The following LIX1L variants were observed in gnomAD, a reference collection of about 807,000 sequenced individuals.
LIX1L encodes the protein LIX1-like protein.
A neutral mutation model predicts 34.0 loss-of-function variants in LIX1L; 20 were observed. The observed-to-expected ratio is 0.59, with a 90% confidence interval of 0.41 to 0.85. The LOEUF (loss-of-function observed/expected upper bound fraction) is 0.85, where lower values mean the gene tolerates loss of function less well. Among genes scored for constraint, LIX1L ranks in the 40% least tolerant of loss-of-function variants. The probability of loss-of-function intolerance (pLI) is 0.00; values close to 1 mark genes in which losing one functional copy is unlikely to be tolerated. For synonymous variants in LIX1L, 170 were observed against 187.4 expected, an observed-to-expected ratio of 0.91 and a Z score of 0.76; for missense variants, 397 against 447.0, an observed-to-expected ratio of 0.89 and a Z score of 1.01.
In LIX1L at chr1:145,936,387, G is replaced by A. The variant is rs377468487; in HGVS notation, c.937C>T (p.Arg313Cys). Reference sequence around the variant, plus strand: ...ATATCTTTCTTCTCCTTGTGGAAGCGCAGCTCCTTGCCTGCCAGTCGGGCT... The same window carrying A: ...ATATCTTTCTTCTCCTTGTGGAAGCACAGCTCCTTGCCTGCCAGTCGGGCT... ...DEARLAGKEL[R>C]FHKEKKDILV... The change falls in exon 6 of 6, where the codon CGC (arginine) becomes TGC (cysteine). Residue 313 changes from arginine to cysteine, a missense_variant. Transcript: ENST00000604000. 1.9e-6 allele frequency: 3 copies of A among 1,614,024 alleles called. No homozygotes were observed. Among genetic ancestry groups the A allele is most frequent in the African/African-American group, 1.3e-5 (1 of 74,906 alleles).
intron 5 of LIX1L, 28 bp from the exon 6 acceptor site, chr1:145,936,580 A>G (rs1489111538): frequency 1.2e-6 from 2 of 1,613,214 alleles, no homozygotes; most frequent in African/African-American, 2.7e-5. Flanking sequence ...TGTGAACATC[A>G]TTGAGAAGGT....
chr1:145,946,246 T>A (rs1649103440), intron 2 of LIX1L, among the ~76,000 whole-genome samples: 1 of 150,228 alleles, frequency 6.7e-6, no homozygotes, highest in Non-Finnish European at 1.5e-5. Flanking sequence ...TTGCCCAGGC[T>A]AGAGTGCCGT....
chr1:145,954,738 C>G (rs1260988655), intron 1 of LIX1L, among the ~76,000 whole-genome samples: 2 of 152,174 alleles, frequency 1.3e-5, no homozygotes, highest in African/African-American at 4.8e-5. Context: ...AGAACAGTAC[C>G]TATCATTTGC....
At chr1:145,942,977 T>C in intron 2 of LIX1L, 124 bp from the exon 3 acceptor site, 1 of 918,576 alleles carries the variant, frequency 1.1e-6, no homozygotes, top group African/African-American at 1.7e-5. Context: ...TCAGTTGTGT[T>C]CAACACACTT....
At chr1:145,951,910 C>A (rs1389597070) in intron 1 of LIX1L, among the ~76,000 whole-genome samples, 2 of 152,152 alleles carry the variant, frequency 1.3e-5, no homozygotes, top group African/African-American at 4.8e-5. Flanking sequence ...AATGATTACT[C>A]AAGGCCAAGG....
Position 145,947,755 on chromosome 1 carries a change from A to G in LIX1L, c.320T>C (p.Phe107Ser), listed in dbSNP as rs1553759417. 6.2e-7 allele frequency: 1 copy of G among 1,614,164 alleles called. No homozygotes were observed. Among genetic ancestry groups the G allele is most frequent in the South Asian group, 1.1e-5 (1 of 91,080 alleles). Residue 107 changes from phenylalanine to serine, a missense_variant, in exon 2 of 6, where the codon TTC (phenylalanine) becomes TCC (serine). Physicochemically the swap from Phe to Ser is radical, Grantham distance 155. Transcript: ENST00000604000. The part of the protein sequence containing the change: ...RVNVVEALQE[F>S]WQMKQSRGAD... ...ACCACGGGACTGCTTCATCTGCCAG[A>G]ATTCCTGAAGTGCCTCCACCACATT...
rs1649523358 is a variant in LIX1L at position 145,957,624 on chromosome 1, C to T, written c.292+12G>A. 1.3e-6 allele frequency: 2 copies of T among 1,517,928 alleles called. No homozygotes were observed. The highest frequency in any genetic ancestry group is 2.9e-5 in the African/African-American group (2 of 69,382). 94.0% of individuals were successfully genotyped at this position (1,517,928 alleles called of 1,614,324 possible). The stretch of plus-strand genomic sequence containing the variant: ...GAGGGTGTCGCGCAGGAGGCCAGAC[C>T]CGCAGACTCACCTCGGCCATAGCCC... On this transcript the variant is annotated intron_variant, in intron 1 of 5. Coordinates refer to ENST00000604000, the MANE Select transcript of LIX1L (RefSeq NM_153713.3).
At chr1:145,957,564 G>T in intron 1 of LIX1L, 72 bp downstream of exon 1, 1 of 1,379,578 alleles carries the variant, frequency 7.2e-7, no homozygotes. Flanking sequence ...CAGGAAAAGC[G>T]ATCCGGAGGA....
chr1:145,939,619 T>C (rs987231374), intron 3 of LIX1L, among the ~76,000 whole-genome samples: 7 of 151,304 alleles, frequency 4.6e-5, no homozygotes, highest in Admixed American at 4.6e-4. Flanking sequence ...GAACCATAAT[T>C]GCTTTCTTTT....
chr1:145,938,656 C>G (rs1042359279), intron 3 of LIX1L, among the ~76,000 whole-genome samples: 2 of 151,122 alleles, frequency 1.3e-5, no homozygotes, highest in African/African-American at 4.9e-5. Context: ...GGTGCGATCT[C>G]GGCTCACTGC....
intron 1 of LIX1L, among the ~76,000 whole-genome samples, chr1:145,953,757 T>C (rs1649378056): frequency 1.3e-5 from 2 of 152,088 alleles, no homozygotes; most frequent in African/African-American, 2.4e-5. Flanking sequence ...CAAGTGTCCT[T>C]ATAAGAGGGA....
chr1:145,936,139 A>G lies in LIX1L; in HGVS notation c.*171T>C. On this transcript the variant is annotated 3_prime_UTR_variant, in exon 6 of 6. Transcript: ENST00000604000. ...AATAAAACTACATCCAAAAACTGGT[A>G]GTAAGAAAAGGGATCTCTTAGCAAA... The G allele has an allele frequency of 1.4e-6, 1 of 712,980 alleles. No individual in the cohort carries two copies. The highest frequency in any genetic ancestry group is 2.1e-5 in the South Asian group (1 of 47,142). 44.2% of individuals were successfully genotyped at this position (712,980 alleles called of 1,614,324 possible). A position where few individuals can be genotyped will look rare whatever the true frequency, so the allele number is the denominator to read the frequency against.
At chr1:145,954,974 G>T (rs893670464) in intron 1 of LIX1L, among the ~76,000 whole-genome samples, 3 of 152,168 alleles carry the variant, frequency 2.0e-5, no homozygotes, top group Non-Finnish European at 4.4e-5. Context: ...TCTTTGTATT[G>T]GGCTGGCCTG....
At chr1:145,942,600 T>G (rs1648960398) in intron 3 of LIX1L, 113 bp downstream of exon 3, 2 of 952,534 alleles carry the variant, frequency 2.1e-6, no homozygotes, top group Non-Finnish European at 3.2e-6. Flanking sequence ...AACAGAGAGG[T>G]GGACCAGAAA....
chr1:145,957,934 C>T lies in LIX1L; in HGVS notation c.-7G>A. On this transcript the variant is annotated 5_prime_UTR_variant, in exon 1 of 6. Coordinates refer to ENST00000604000, the MANE Select transcript of LIX1L (RefSeq NM_153713.3). ...GCGCTCGCATAGTCTCCATCCCGGC[C>T]GCCAATGGAGTAGCGCCCCGGAGCC... The T allele has an allele frequency of 6.8e-7, 1 of 1,474,716 alleles. No individual in the cohort carries two copies. The highest frequency in any genetic ancestry group is 9.0e-7 in the Non-Finnish European group (1 of 1,115,444). The allele number at this position is 1,474,716 out of a possible 1,614,324, so 91.4% of individuals were successfully genotyped here.
chr1:145,936,810 G>T, intron 5 of LIX1L, 98 bp downstream of exon 5: 1 of 921,750 alleles, frequency 1.1e-6, no homozygotes, highest in Non-Finnish European at 1.8e-6. Flanking sequence ...ACAACCATAG[G>T]TCACAATAGA....
At chr1:145,945,128 C>G (rs1253966778) in intron 2 of LIX1L, among the ~76,000 whole-genome samples, 2 of 151,310 alleles carry the variant, frequency 1.3e-5, no homozygotes, top group African/African-American at 2.4e-5. Flanking sequence ...GTCAGGAGTT[C>G]AAGACCAGCC....
At chr1:145,952,280 G>A (rs1649324118) in intron 1 of LIX1L, among the ~76,000 whole-genome samples, 2 of 152,166 alleles carry the variant, frequency 1.3e-5, no homozygotes, top group African/African-American at 4.8e-5. Context: ...GTGTCTGTAT[G>A]CATATGAGTA....
Position 145,947,768 on chromosome 1 carries a change from C to G in LIX1L, c.307G>C (p.Ala103Pro). 1 of 1,614,116 alleles carries G rather than the reference C, an allele frequency of 6.2e-7. No homozygotes were observed. ...TTCATCTGCCAGAATTCCTGAAGTGCCTCCACCACATTCACTACAAAAGAG... is the reference window on the plus strand; with the variant it reads ...TTCATCTGCCAGAATTCCTGAAGTGGCTCCACCACATTCACTACAAAAGAG... ...QGYGRVNVVE[A>P]LQEFWQMKQS... Residue 103 changes from alanine (A) to proline (P), a missense_variant, in exon 2 of 6, where the codon GCA becomes CCA. By Grantham distance (27) the Ala-to-Pro change is conservative. Transcript: ENST00000604000.
Sources: gnomAD v4.1 joint callset for allele counts (sites outside exome capture counted in the v4.1 genomes callset) on GRCh38, gnomAD v4.1.1 for gene constraint, MANE v1.5 for transcripts, NCBI Gene and HGNC (gene_info 2026-07-23, HGNC 2026-07-21) for gene names.